The following UGT1A6 variants were observed in gnomAD, a reference collection of about 807,000 sequenced individuals.
UGT1A6 encodes UDP glucuronosyltransferase family 1 member A6, also known as UDP-glucuronosyltransferase 1A6.
Under a neutral mutation model 44.4 loss-of-function variants are expected in UGT1A6, and 32 were observed. That is an observed-to-expected ratio of 0.72 (90% CI 0.54 to 0.97). The LOEUF (loss-of-function observed/expected upper bound fraction) is 0.97, where lower values mean the gene tolerates loss of function less well. Among genes scored for constraint, UGT1A6 ranks in the 50% least tolerant of loss-of-function variants. UGT1A6 has a pLI of 0.00. For synonymous variants in UGT1A6, 238 were observed against 248.5 expected (o/e 0.96, Z 0.40); for missense variants, 685 against 661.9 (o/e 1.03, Z -0.38).
At chr2:233,691,910 T>C (rs1422473663), upstream of UGT1A6, 1 of 152,836 alleles carries the variant, frequency 6.5e-6, no homozygotes, top group East Asian at 1.9e-4. Context: ...CCTGAAACCA[T>C]AAGTGGTGGG....
intron 1 of UGT1A6, chr2:233,743,705 G>A (rs756391897): frequency 8.8e-6 from 12 of 1,367,306 alleles, no homozygotes; most frequent in South Asian, 2.3e-5. Context: ...CTCCGCCCCC[G>A]CCTCGCCATA....
chr2:233,699,949 G>C (rs932857494), intron 1 of UGT1A6, among the ~76,000 whole-genome samples: 2 of 152,234 alleles, frequency 1.3e-5, no homozygotes, highest in East Asian at 1.9e-4. Context: ...GTTGTACAAT[G>C]TGTGAAAAAT....
chr2:233,733,972 G>A (rs2078461884), intron 1 of UGT1A6, among the ~76,000 whole-genome samples: 1 of 152,042 alleles, frequency 6.6e-6, no homozygotes, highest in South Asian at 2.1e-4. Flanking sequence ...AGGGGGAGCG[G>A]GGAGGGATAG....
chr2:233,744,977 C>T (rs528812849), intron 1 of UGT1A6, among the ~76,000 whole-genome samples: 2 of 151,856 alleles, frequency 1.3e-5, no homozygotes, highest in Non-Finnish European at 1.5e-5. Flanking sequence ...CTTTAAGCCT[C>T]TAGTCATCTC....
intron 1 of UGT1A6, chr2:233,755,184 T>C: frequency 8.4e-7 from 1 of 1,195,602 alleles, no homozygotes. Context: ...GGGGTGCCAC[T>C]TGAGCGCCAG....
chr2:233,710,057 A>G (rs1374014159), intron 1 of UGT1A6, among the ~76,000 whole-genome samples: 1 of 152,246 alleles, frequency 6.6e-6, no homozygotes, highest in Admixed American at 6.5e-5. Context: ...TTGGCTCGGC[A>G]TAATGTCTCT....
intron 1 of UGT1A6, chr2:233,754,871 T>A: frequency 1.5e-6 from 2 of 1,352,992 alleles, no homozygotes; most frequent in African/African-American, 1.5e-5. Context: ...ACCCTCTGCT[T>A]CTGCTTCCCA....
intron 1 of UGT1A6, among the ~76,000 whole-genome samples, chr2:233,758,117 T>C (rs1223094258): frequency 1.3e-5 from 2 of 152,208 alleles, no homozygotes; most frequent in African/African-American, 4.8e-5. Context: ...GCTCACACGT[T>C]CCATAAATAT....
chr2:233,760,984 C>T lies in UGT1A6; in HGVS notation c.862-6050C>T. 6.2e-7 allele frequency: 1 copy of T among 1,614,234 alleles called. No individual in the cohort carries two copies. The highest frequency in any genetic ancestry group is 8.5e-7 in the Non-Finnish European group (1 of 1,180,042). ...CGTGGTTTATTCCCCGTATGCAACC[C>T]TTGCCTCAGAATTCCTTCAGAGAGA... is the stretch of plus-strand genomic sequence containing the variant. On this transcript the variant is annotated intron_variant, in intron 1 of 4. Coordinates refer to ENST00000305139, the MANE Select transcript of UGT1A6 (RefSeq NM_001072.4).
chr2:233,752,614 C>T (rs567429559), intron 1 of UGT1A6: 24 of 152,230 alleles, frequency 1.6e-4, no homozygotes, highest in African/African-American at 5.8e-4. Context: ...AAAACATTAG[C>T]TAGGTGTGGT....
At chr2:233,754,577 C>T (rs1133490) in intron 1 of UGT1A6, 2 of 424,484 alleles carry the variant, frequency 4.7e-6, no homozygotes, top group Non-Finnish European at 9.4e-6. Context: ...TGCTCTATGC[C>T]GTTTATTATG....
intron 1 of UGT1A6, among the ~76,000 whole-genome samples, chr2:233,707,630 A>G (rs573795071): frequency 6.6e-6 from 1 of 151,152 alleles, no homozygotes; most frequent in South Asian, 2.1e-4. Flanking sequence ...TACTGAATAT[A>G]TCCCATTGTA....
intron 1 of UGT1A6, among the ~76,000 whole-genome samples, chr2:233,724,643 C>T (rs1474799559): frequency 2.1e-5 from 3 of 141,252 alleles, no homozygotes; most frequent in Non-Finnish European, 3.1e-5. Flanking sequence ...GATGTGATGG[C>T]GGCTGGGAAG....
At chr2:233,714,222 C>T (rs2076374156) in intron 1 of UGT1A6, among the ~76,000 whole-genome samples, 1 of 152,096 alleles carries the variant, frequency 6.6e-6, no homozygotes, top group East Asian at 1.9e-4. Flanking sequence ...ATCTTGCTGG[C>T]AAGATTTTCA....
chr2:233,719,667 A>G, intron 1 of UGT1A6: 1 of 1,614,118 alleles, frequency 6.2e-7, no homozygotes, highest in South Asian at 1.1e-5. Flanking sequence ...CAACTGTGCC[A>G]ACGGGAAGCC....
intron 1 of UGT1A6, among the ~76,000 whole-genome samples, chr2:233,731,288 T>C (rs1332920122): frequency 3.9e-5 from 6 of 151,912 alleles, no homozygotes; most frequent in Non-Finnish European, 5.9e-5. Context: ...TTCTTTCTTT[T>C]TTTTTTTTTT....
In UGT1A6 at chr2:233,772,415, C is replaced by T. The variant is rs142077822; in HGVS notation, c.1455C>T (p.Tyr485=). The T allele has an allele frequency of 1.4e-5, 22 of 1,614,112 alleles. No homozygotes were observed. The highest frequency in any genetic ancestry group is 1.9e-5 in the Non-Finnish European group (22 of 1,180,056). Residue 485 remains tyrosine (Y), a synonymous_variant, in exon 5 of 5, where the codon TAC becomes TAT. Transcript: ENST00000305139. ...PAAHDLTWYQ[Y]HSLDVIGFLL... ...CCCACGACCTCACCTGGTACCAGTA[C>T]CATTCCTTGGACGTGATTGGTTTCC...
chr2:233,748,008 C>T (rs1238805175), intron 1 of UGT1A6: 21 of 1,613,360 alleles, frequency 1.3e-5, no homozygotes, highest in Non-Finnish European at 1.8e-5. Context: ...GATGGATTAC[C>T]CCAGGCCGAT....
Position 233,772,033 on chromosome 2 carries a change from A to C in UGT1A6, c.1302-229A>C, listed in dbSNP as rs33979061. Among the ~76,000 whole-genome samples, 33,182 of 152,170 alleles carry C rather than the reference A, an allele frequency of 0.22. 4,506 individuals carry two copies. Among genetic ancestry groups the C allele is most frequent in the South Asian group, 0.32 (1,549 of 4,822 alleles). On this transcript the variant is annotated intron_variant, in intron 4 of 4. Coordinates refer to ENST00000305139, the MANE Select transcript of UGT1A6 (RefSeq NM_001072.4). ...GAGGCTGAGGCAGGAGGATGGCTTG[A>C]GCCCAGGAGTTGGAGGCTGCAGTTA...
Sources: allele counts gnomAD v4.1 joint callset (sites outside exome capture counted in the v4.1 genomes callset), GRCh38; gene constraint gnomAD v4.1.1; transcripts MANE v1.5; gene names NCBI Gene and HGNC (gene_info 2026-07-23, HGNC 2026-07-21).